Variants in EFCAB7 observed in about 807,000 individuals in gnomAD.
EFCAB7 encodes the protein EF-hand calcium-binding domain-containing protein 7.
EFCAB7 carries 66 observed loss-of-function variants against 77.1 expected under a neutral mutation model. The ratio of observed to expected loss-of-function variants is 0.86; its 90% confidence interval spans 0.70 to 1.05. EFCAB7 has a LOEUF of 1.05. EFCAB7 is among the 50% of genes least tolerant of loss of function. The pLI is 0.00. For synonymous variants in EFCAB7, 225 were observed against 243.3 expected (o/e 0.92, Z 0.70); for missense variants, 638 against 730.5 (o/e 0.87, Z 1.46).
chr1:63,563,623 A>G (rs553145033), intron 11 of EFCAB7, among the ~76,000 whole-genome samples: 24 of 152,358 alleles, frequency 1.6e-4, no homozygotes, highest in African/African-American at 5.5e-4. Context: ...CCTGACTTTC[A>G]AAACTGAGGA....
rs202063460 is a variant in EFCAB7 at position 63,561,867 on chromosome 1, T to C, written c.1497+10T>C. The C allele has an allele frequency of 1.3e-6, 2 of 1,548,880 alleles. No homozygotes were observed. Among genetic ancestry groups the C allele is most frequent in the Admixed American group, 2.0e-5 (1 of 49,342 alleles). On this transcript the variant is annotated intron_variant, in intron 11 of 13. Coordinates refer to ENST00000371088, the MANE Select transcript of EFCAB7 (RefSeq NM_032437.4). The stretch of plus-strand genomic sequence containing the variant: ...TCTGGAGTTGACAGAGGTAAAGTAT[T>C]CTTAAACTTTTGCCAATGGGTTTAA...
At chr1:63,546,882 T>C (rs572532065) in intron 7 of EFCAB7, among the ~76,000 whole-genome samples, 2 of 152,332 alleles carry the variant, frequency 1.3e-5, no homozygotes, top group East Asian at 1.9e-4. Flanking sequence ...AAAATACTTT[T>C]CTAGTGTCTA....
At chr1:63,542,532 T>C (rs1200014736) in intron 6 of EFCAB7, among the ~76,000 whole-genome samples, 2 of 152,230 alleles carry the variant, frequency 1.3e-5, no homozygotes. Flanking sequence ...TACCATACTA[T>C]TATTCACAAT....
rs1646884388 is a variant in EFCAB7, at chr1:63,545,346, TC to T, written c.805-569del. On this transcript the variant is annotated intron_variant, in intron 6 of 13. Transcript: ENST00000371088. ...GTTTACATCAGTCCCCCAACCCCAA[TC>T]AATTAGACAGTAAATATTTGTTGAG... is the stretch of plus-strand genomic sequence containing the variant. 1.3e-5 allele frequency among the ~76,000 whole-genome samples: 2 copies of T among 152,196 alleles called. 1 individual carries two copies. The highest frequency in any genetic ancestry group is 2.9e-5 in the Non-Finnish European group (2 of 68,020).
At chr1:63,574,846 G>A (rs750881167), downstream of EFCAB7, among the ~76,000 whole-genome samples, 6 of 152,310 alleles carry the variant, frequency 3.9e-5, no homozygotes, top group East Asian at 7.7e-4. Context: ...TTGCGAGAGC[G>A]AGGTCTCGAG....
chr1:63,548,333 G>T (rs1646923953), intron 7 of EFCAB7: 1 of 152,054 alleles, frequency 6.6e-6, no homozygotes, highest in African/African-American at 2.4e-5. Flanking sequence ...GAGAAATGAG[G>T]TTTCCCCCTC....
chr1:63,578,598 C>G, the EFCAB7 span, among the ~76,000 whole-genome samples: 1 of 152,066 alleles, frequency 6.6e-6, no homozygotes, highest in Non-Finnish European at 1.5e-5. Flanking sequence ...CCCACCACCA[C>G]GCCCGGCTAA....
At chr1:63,576,578 G>A (rs1647425070), downstream of EFCAB7, among the ~76,000 whole-genome samples, 1 of 151,864 alleles carries the variant, frequency 6.6e-6, no homozygotes. Context: ...CCAGCACTTT[G>A]GGAGGCTGAG....
At chr1:63,578,326 G>A in the EFCAB7 span, among the ~76,000 whole-genome samples, 1 of 152,056 alleles carries the variant, frequency 6.6e-6, no homozygotes, top group African/African-American at 2.4e-5. Flanking sequence ...GCAAAGTACT[G>A]CTTTAATTAT....
intron 9 of EFCAB7, 32 bp from the exon 10 acceptor site, chr1:63,557,082 C>T: frequency 6.8e-7 from 1 of 1,480,522 alleles, no homozygotes. Context: ...GCCTTAGTGA[C>T]AAGAAATAAC....
chr1:63,570,993 A>G (rs748317299), intron 12 of EFCAB7, 28 bp from the exon 13 acceptor site: 25 of 1,481,914 alleles, frequency 1.7e-5, no homozygotes, highest in Non-Finnish European at 2.2e-5. Flanking sequence ...AGAAAGGAAT[A>G]GCAGCTTATG....
rs192620469 is a variant in EFCAB7, at chr1:63,556,324, A to G, written c.1215-790A>G. ...TGTTAATTAGCTTTAGTCATTTCAC[A>G]TTGTCTACATATATCAAAAAATCAC... is the stretch of plus-strand genomic sequence containing the variant. On this transcript the variant is annotated intron_variant, in intron 9 of 13. Transcript: ENST00000371088. Among the ~76,000 whole-genome samples, 84 of 152,358 alleles carry G rather than the reference A, an allele frequency of 5.5e-4. No individual in the cohort carries two copies. In the East Asian group the frequency reaches 6.4e-3, roughly 12 times the overall value.
chr1:63,551,249 C>T (rs1464859512), intron 7 of EFCAB7, among the ~76,000 whole-genome samples: 2 of 152,150 alleles, frequency 1.3e-5, no homozygotes, highest in Non-Finnish European at 2.9e-5. Flanking sequence ...CACAAGGTTG[C>T]TGTATTTAGG....
At chr1:63,526,711 ATT>A (rs1231952723) in intron 2 of EFCAB7, among the ~76,000 whole-genome samples, 2 of 152,242 alleles carry the variant, frequency 1.3e-5, no homozygotes, top group Non-Finnish European at 2.9e-5. Flanking sequence ...TCTATTTTGA[ATT>A]TTAAGTATTT....
chr1:63,528,542 A>T (rs900906885), intron 2 of EFCAB7, among the ~76,000 whole-genome samples: 15 of 152,110 alleles, frequency 9.9e-5, no homozygotes, highest in African/African-American at 3.6e-4. Flanking sequence ...AAAATCATTT[A>T]AGTGTACATT....
intron 2 of EFCAB7, among the ~76,000 whole-genome samples, chr1:63,530,232 T>C (rs1646671575): frequency 6.6e-6 from 1 of 152,218 alleles, no homozygotes; most frequent in African/African-American, 2.4e-5. Flanking sequence ...CTGGTCCTTA[T>C]TACATTAAAT....
At chr1:63,578,370 T>C in the EFCAB7 span, among the ~76,000 whole-genome samples, 1 of 151,804 alleles carries the variant, frequency 6.6e-6, no homozygotes, top group Non-Finnish European at 1.5e-5. Flanking sequence ...CAGACATTGC[T>C]CCTGCCCTCA....
chr1:63,557,223 G>A lies in EFCAB7; in HGVS notation c.1324G>A (p.Glu442Lys). The A allele has an allele frequency of 6.2e-7, 1 of 1,609,694 alleles. No homozygotes were observed. The highest frequency in any genetic ancestry group is 8.5e-7 in the Non-Finnish European group (1 of 1,179,014). Residue 442 changes from glutamate to lysine, a missense_variant, in exon 10 of 14, where the codon GAA becomes AAA. Glu to Lys is a moderately conservative substitution (Grantham distance 56). Transcript: ENST00000371088. ...GAGAACAAGTGGTGAGAAATGTGAT[G>A]AAGATGCTTGGGCTGTCTGCAGAGG... ...ELRTSGEKCD[E>K]DAWAVCRENF...
chr1:63,585,299 A>T, the EFCAB7 span, among the ~76,000 whole-genome samples: 1 of 152,228 alleles, frequency 6.6e-6, no homozygotes, highest in South Asian at 2.1e-4. Flanking sequence ...AGAATTTTTT[A>T]AAATTGTCAA....
Sources: gnomAD v4.1 joint callset for allele counts (sites outside exome capture counted in the v4.1 genomes callset) on GRCh38, gnomAD v4.1.1 for gene constraint, MANE v1.5 for transcripts, NCBI Gene and HGNC (gene_info 2026-07-23, HGNC 2026-07-21) for gene names.